RNASEH1: variants seen among roughly 807,000 people sequenced by gnomAD.
RNASEH1 encodes the protein ribonuclease H1.
RNASEH1 carries 27 observed loss-of-function variants against 34.6 expected under a neutral mutation model. The observed-to-expected ratio is 0.78, with a 90% confidence interval of 0.58 to 1.08. The LOEUF is 1.08. Ranked by LOEUF, RNASEH1 falls within the 50% of genes least tolerant of loss-of-function variation. The probability of loss-of-function intolerance (pLI) is 0.00; values close to 1 mark genes in which losing one functional copy is unlikely to be tolerated. For missense variants in RNASEH1, 349 were observed against 373.6 expected, an observed-to-expected ratio of 0.93 and a Z score of 0.54; for synonymous variants, 162 against 138.4, an observed-to-expected ratio of 1.17 and a Z score of -1.20.
downstream of RNASEH1, among the ~76,000 whole-genome samples, chr2:3,538,455 C>T (rs1024189713): frequency 6.6e-6 from 1 of 152,078 alleles, no homozygotes; most frequent in Non-Finnish European, 1.5e-5. Context: ...CCCACAGCAT[C>T]CTCTCCCCAT....
At chr2:3,552,940 A>C (rs1190461782) in intron 2 of RNASEH1, among the ~76,000 whole-genome samples, 1 of 152,190 alleles carries the variant, frequency 6.6e-6, no homozygotes, top group Non-Finnish European at 1.5e-5. Flanking sequence ...GAGGGCTCAG[A>C]GGGTGCAGGT....
the RNASEH1 span, among the ~76,000 whole-genome samples, chr2:3,534,597 C>T: frequency 1.3e-5 from 2 of 152,238 alleles, no homozygotes; most frequent in African/African-American, 4.8e-5. Flanking sequence ...TGCGGCATGC[C>T]CGGCCCAACC....
At position 3,543,351 on chromosome 2, in the gene RNASEH1, T is replaced by C. The variant is rs1668453477; in HGVS notation, c.*2434A>G. On this transcript the variant is annotated 3_prime_UTR_variant, in exon 8 of 8. Transcript: ENST00000315212. The stretch of plus-strand genomic sequence containing the variant: ...TGCTCAATTAAACTGCTAACTTGTC[T>C]AAAGTTTTTCTTTTAAGACAGGTTT... Among the ~76,000 whole-genome samples, 1 of 152,212 alleles carries C rather than the reference T, an allele frequency of 6.6e-6. No homozygotes were observed. The highest frequency in any genetic ancestry group is 2.4e-5 in the African/African-American group (1 of 41,448).
Position 3,549,927 on chromosome 2 carries a change from T to C in RNASEH1, c.509+446A>G, listed in dbSNP as rs953910853. 3.5e-5 allele frequency among the ~76,000 whole-genome samples: 5 copies of C among 144,154 alleles called. No homozygotes were observed. The South Asian group carries it at 8.8e-4, about 25-fold the overall frequency. The allele number at this position is 144,154 out of a possible 152,430, so 94.6% of individuals were successfully genotyped here. Reference sequence around the variant, plus strand: ...CGCCACTGCACTCTAGCCTGGGCGATAGAGTGAGACTCCGTCTCAGGAAAA... The same window carrying C: ...CGCCACTGCACTCTAGCCTGGGCGACAGAGTGAGACTCCGTCTCAGGAAAA... On this transcript the variant is annotated intron_variant, in intron 4 of 7. Coordinates refer to ENST00000315212, the MANE Select transcript of RNASEH1 (RefSeq NM_002936.6).
intron 3 of RNASEH1, among the ~76,000 whole-genome samples, chr2:3,551,693 C>A (rs548453040): frequency 2.0e-5 from 3 of 152,258 alleles, no homozygotes; most frequent in African/African-American, 7.2e-5. Flanking sequence ...ATAACTGATT[C>A]CTGGAGTGAA....
At position 3,542,898 on chromosome 2, in the gene RNASEH1, G is replaced by A. The variant is rs963538684; in HGVS notation, c.*2887C>T. On this transcript the variant is annotated 3_prime_UTR_variant, in exon 8 of 8. Coordinates refer to ENST00000315212, the MANE Select transcript of RNASEH1 (RefSeq NM_002936.6). ...TGTGCAATGTTTGTATTTTTTTAAAGCTCCGTCCAAAAATCTAGAAATAAT... is the reference window on the plus strand; with the variant it reads ...TGTGCAATGTTTGTATTTTTTTAAAACTCCGTCCAAAAATCTAGAAATAAT... 6.6e-6 allele frequency among the ~76,000 whole-genome samples: 1 copy of A among 152,064 alleles called. No individual in the cohort carries two copies. Among genetic ancestry groups the A allele is most frequent in the African/African-American group, 2.4e-5 (1 of 41,392 alleles).
the RNASEH1 span, among the ~76,000 whole-genome samples, chr2:3,535,951 C>T: frequency 6.6e-6 from 1 of 152,210 alleles, no homozygotes; most frequent in Non-Finnish European, 1.5e-5. Context: ...GGACACACAG[C>T]GGGGTCCAGG....
In RNASEH1 at chr2:3,558,195, A is replaced by G. The variant is rs1558463910; in HGVS notation, c.66T>C (p.Ser22=). 7 of 1,602,286 alleles carry G rather than the reference A, an allele frequency of 4.4e-6. No homozygotes were observed. The highest frequency in any genetic ancestry group is 6.0e-6 in the Non-Finnish European group (7 of 1,176,106). ...ALAALPCRRG[S]RGFGMFYAVR... is the part of the protein sequence containing the mutation. ...CGGCATAGAACATCCCGAACCCGCGAGAGCCGCGGCGGCAGGGCAAGGCGG... is the reference window on the plus strand; with the variant it reads ...CGGCATAGAACATCCCGAACCCGCGGGAGCCGCGGCGGCAGGGCAAGGCGG... The change falls in exon 1 of 8, where the codon TCT becomes TCC. Residue 22 remains serine (S), a synonymous_variant. Coordinates refer to ENST00000315212, the MANE Select transcript of RNASEH1 (RefSeq NM_002936.6).
chr2:3,534,790 G>A, the RNASEH1 span, among the ~76,000 whole-genome samples: 1 of 152,228 alleles, frequency 6.6e-6, no homozygotes, highest in Admixed American at 6.5e-5. Context: ...AAAAAATCCT[G>A]TGCCACATCC....
In RNASEH1 at chr2:3,549,049, A is replaced by G. The variant is rs1480687701; in HGVS notation, c.564+9T>C. The G allele has an allele frequency of 6.2e-6, 10 of 1,609,790 alleles. No individual in the cohort carries two copies. The highest frequency in any genetic ancestry group is 1.7e-5 in the Admixed American group (1 of 59,992). ...AAAAAGAGAGGCTTAAACGTATCTG[A>G]TAACTTACATGAATTTCCGCTCTTT... On this transcript the variant is annotated intron_variant, in intron 5 of 7. Coordinates refer to ENST00000315212, the MANE Select transcript of RNASEH1 (RefSeq NM_002936.6).
chr2:3,544,068 G>A lies in RNASEH1; in HGVS notation c.*1717C>T, dbSNP rs1445962957. 2.6e-5 allele frequency among the ~76,000 whole-genome samples: 4 copies of A among 152,146 alleles called. No individual in the cohort carries two copies. Among genetic ancestry groups the A allele is most frequent in the Admixed American group, 2.0e-4 (3 of 15,276 alleles). ...ACTGTACCACTGGGTAACCAGATAA[G>A]TATAAAAAAGAAAACACTTTCTTAG... On this transcript the variant is annotated 3_prime_UTR_variant, in exon 8 of 8. Transcript: ENST00000315212.
At position 3,558,256 on chromosome 2, in the gene RNASEH1, C is replaced by G. The variant is rs375541871; in HGVS notation, c.5G>C (p.Ser2Thr). Reference protein sequence around the residue: MSWLLFLAHRVA... With the variant: MTWLLFLAHRVA... The stretch of plus-strand genomic sequence containing the variant: ...TCTGTGGGCCAGGAACAGAAGCCAG[C>G]TCATCGCTCACTCCCGGCACCGGGA... The change falls in exon 1 of 8, where the codon AGC becomes ACC. Residue 2 changes from serine (S) to threonine (T), a missense_variant. Physicochemically the swap from Ser to Thr is moderately conservative, Grantham distance 58. This residue lies in a region of RNASEH1 where 256 missense variants were observed against 240.7 expected (regional missense o/e 1.06). Coordinates refer to ENST00000315212, the MANE Select transcript of RNASEH1 (RefSeq NM_002936.6). 9 of 1,583,712 alleles carry G rather than the reference C, an allele frequency of 5.7e-6. No homozygotes were observed. In the African/African-American group the frequency reaches 6.9e-5, roughly 12 times the overall value.
At position 3,545,632 on chromosome 2, in the gene RNASEH1, T is replaced by C. The variant is rs1006653387; in HGVS notation, c.*153A>G. 2 of 625,378 alleles carry C rather than the reference T, an allele frequency of 3.2e-6. No individual in the cohort carries two copies. Among genetic ancestry groups the C allele is most frequent in the East Asian group, 2.7e-5 (1 of 36,462 alleles). The allele number at this position is 625,378 out of a possible 1,614,324, so 38.7% of individuals were successfully genotyped here. ...TACTTAACCATTTTTTATAAACACA[T>C]GTCACAGAAGGCCACTGTGCCTGAT... On this transcript the variant is annotated 3_prime_UTR_variant, in exon 8 of 8. Transcript: ENST00000315212.
At chr2:3,550,311 C>T (rs981335810) in intron 4 of RNASEH1, 62 bp downstream of exon 4, 20 of 1,317,620 alleles carry the variant, frequency 1.5e-5, no homozygotes, top group East Asian at 2.3e-5. Flanking sequence ...GAGCAGATCC[C>T]GCCTCATCTT....
the RNASEH1 span, among the ~76,000 whole-genome samples, chr2:3,535,056 G>T: frequency 2.0e-5 from 3 of 152,170 alleles, no homozygotes; most frequent in Non-Finnish European, 4.4e-5. Flanking sequence ...AAGTTCTGGA[G>T]ATGGAGGGTG....
At chr2:3,557,400 C>G (rs867481363) in intron 1 of RNASEH1, among the ~76,000 whole-genome samples, 2 of 152,188 alleles carry the variant, frequency 1.3e-5, no homozygotes, top group Middle Eastern at 3.2e-3. Flanking sequence ...AGGCTTTCGT[C>G]AAACTCAAAG....
rs1660743122 is a variant in RNASEH1, at chr2:3,558,225, G to A, written c.36C>T (p.Ala12=). The change falls in exon 1 of 8, where the codon GCC becomes GCT. Residue 12 remains alanine (A), a synonymous_variant. Coordinates refer to ENST00000315212, the MANE Select transcript of RNASEH1 (RefSeq NM_002936.6). ...SWLLFLAHRV[A]LAALPCRRGS... ...CGCGGCGGCAGGGCAAGGCGGCCAAGGCGACTCTGTGGGCCAGGAACAGAA... is the reference window on the plus strand; with the variant it reads ...CGCGGCGGCAGGGCAAGGCGGCCAAAGCGACTCTGTGGGCCAGGAACAGAA... The A allele has an allele frequency of 1.3e-6, 2 of 1,599,220 alleles. No homozygotes were observed. Among genetic ancestry groups the A allele is most frequent in the African/African-American group, 1.4e-5 (1 of 73,450 alleles).
chr2:3,557,660 A>T (rs1481319201), intron 1 of RNASEH1: 1 of 395,080 alleles, frequency 2.5e-6, no homozygotes, highest in Non-Finnish European at 5.2e-6. Context: ...TGAAAGTGAG[A>T]ATAATCCCTC....
rs965514965 is a variant in RNASEH1, at chr2:3,557,880, T to C, written c.128+253A>G. 3.2e-5 allele frequency: 48 copies of C among 1,490,284 alleles called. 1 individual carries two copies. The highest frequency in any genetic ancestry group is 5.5e-5 in the East Asian group (2 of 36,256). The allele number at this position is 1,490,284 out of a possible 1,614,324, so 92.3% of individuals were successfully genotyped here. On this transcript the variant is annotated intron_variant, in intron 1 of 7. Transcript: ENST00000315212. The stretch of plus-strand genomic sequence containing the variant: ...ATGGAGGATTAAACACAGGGTTTAT[T>C]AGGCCACCCCTAACCTTTACGCGAC...
Sources: allele counts gnomAD v4.1 joint callset (sites outside exome capture counted in the v4.1 genomes callset), GRCh38; gene constraint gnomAD v4.1.1; regional missense constraint gnomAD v4.1.1; transcripts MANE v1.5; gene names NCBI Gene and HGNC (gene_info 2026-07-23, HGNC 2026-07-21).